The following PPP4C variants were observed in gnomAD, a reference collection of about 807,000 sequenced individuals.
PPP4C encodes serine/threonine-protein phosphatase 4 catalytic subunit.
PPP4C carries 10 observed loss-of-function variants against 40.5 expected under a neutral mutation model. That is an observed-to-expected ratio of 0.25 (90% CI 0.15 to 0.42). The LOEUF (loss-of-function observed/expected upper bound fraction) is 0.42. Among genes scored for constraint, PPP4C ranks in the 10% least tolerant of loss-of-function variants. The pLI, the probability that PPP4C is intolerant of heterozygous loss-of-function variation, is 1.00. For synonymous variants in PPP4C, 187 were observed against 163.6 expected (o/e 1.14, Z -1.09); for missense variants, 191 against 416.4 (o/e 0.46, Z 4.71).
intron 2 of PPP4C, among the ~76,000 whole-genome samples, chr16:30,077,162 G>C (rs1252986485): frequency 2.0e-5 from 3 of 152,168 alleles, no homozygotes; most frequent in Non-Finnish European, 4.4e-5. Context: ...AAGGCTCTAG[G>C]TTTTGCAGTG....
chr16:30,083,465 C>T lies in PPP4C; in HGVS notation c.375C>T (p.Gly125=), dbSNP rs368571539. The T allele has an allele frequency of 8.7e-6, 14 of 1,614,058 alleles. No individual in the cohort carries two copies. Among genetic ancestry groups the T allele is most frequent in the African/African-American group, 2.7e-5 (2 of 74,932 alleles). The change falls in exon 6 of 9, where the codon GGC becomes GGT. Residue 125 remains glycine (G), a synonymous_variant. Coordinates refer to ENST00000279387, the MANE Select transcript of PPP4C (RefSeq NM_002720.3). The surrounding 1 kb of genome is among the most constrained non-coding windows in gnomAD (Gnocchi z 6.3). ...GTCGCCAGATCACGCAGGTCTATGG[C>T]TTCTACGATGAGTGCCTGCGCAAGT... ...HESRQITQVY[G]FYDECLRKYG...
chr16:30,082,012 G>A (rs1301640576), intron 3 of PPP4C, among the ~76,000 whole-genome samples: 24 of 151,262 alleles, frequency 1.6e-4, no homozygotes, highest in African/African-American at 5.1e-4. Flanking sequence ...CCGAGATCGC[G>A]CCACCGCACT....
Position 30,083,844 on chromosome 16 carries a change from A to G in PPP4C, c.604+63A>G. On this transcript the variant is annotated intron_variant, in intron 7 of 8. Transcript: ENST00000279387. The surrounding 1 kb of genome is among the most constrained non-coding windows in gnomAD (Gnocchi z 6.3). ...GGAGGGGTTGGGAAAGAGAGGGAGC[A>G]GGGCTGGTCTTCACTGTCACTCGTC... The G allele has an allele frequency of 6.3e-7, 1 of 1,595,178 alleles. No homozygotes were observed. The highest frequency in any genetic ancestry group is 8.5e-7 in the Non-Finnish European group (1 of 1,170,780).
intron 2 of PPP4C, among the ~76,000 whole-genome samples, chr16:30,080,416 T>C (rs538947923): frequency 1.3e-5 from 2 of 150,330 alleles, no homozygotes; most frequent in Admixed American, 1.3e-4. Flanking sequence ...CTCACTCAAG[T>C]AGAAGTAGAC....
At chr16:30,076,220 C>T (rs922037138) in intron 1 of PPP4C, 95 bp from the exon 2 acceptor site, 154 of 512,550 alleles carry the variant, frequency 3.0e-4, no homozygotes, top group Non-Finnish European at 1.5e-5. Context: ...TGAGGGGAGG[C>T]GGGGGTGGGG....
rs961397220 is a variant in PPP4C, at chr16:30,076,345, G to T, written c.-33G>T. On this transcript the variant is annotated 5_prime_UTR_variant, in exon 2 of 9. Coordinates refer to ENST00000279387, the MANE Select transcript of PPP4C (RefSeq NM_002720.3). ...CCCTGTGCGGTGCGGAGGGGGCGGC[G>T]GCCCCGACTCTGACCCGCGCCGGGG... 1.9e-6 allele frequency: 3 copies of T among 1,604,548 alleles called. No homozygotes were observed. The highest frequency in any genetic ancestry group is 2.6e-6 in the Non-Finnish European group (3 of 1,174,408).
At chr16:30,082,892 G>T (rs1489134826) in intron 5 of PPP4C, 45 bp downstream of exon 5, 1 of 1,536,562 alleles carries the variant, frequency 6.5e-7, no homozygotes, top group East Asian at 2.2e-5. Flanking sequence ...GCGACCTCGG[G>T]CCGGGCCTGT....
rs78011926 is a variant in PPP4C, at chr16:30,077,013, A to G, written c.98+538A>G. On this transcript the variant is annotated intron_variant, in intron 2 of 8. Coordinates refer to ENST00000279387, the MANE Select transcript of PPP4C (RefSeq NM_002720.3). ...TTAGTGTCCTGTCCTTTTTCAGGCC[A>G]TAATGCAAAAAGGTGGAGTTGGATC... is the stretch of plus-strand genomic sequence containing the variant. 3.3e-3 allele frequency among the ~76,000 whole-genome samples: 502 copies of G among 152,284 alleles called. 4 individuals are homozygous for G. The highest frequency in any genetic ancestry group is 0.011 in the African/African-American group (443 of 41,564).
chr16:30,082,191 G>A (rs1596836802), intron 3 of PPP4C, among the ~76,000 whole-genome samples: 1 of 152,236 alleles, frequency 6.6e-6, no homozygotes, highest in East Asian at 1.9e-4. Flanking sequence ...AGGGCTCTGT[G>A]TTAGTAACTT....
At chr16:30,082,606 G>A in intron 4 of PPP4C, 72 bp downstream of exon 4, 1 of 1,573,020 alleles carries the variant, frequency 6.4e-7, no homozygotes, top group African/African-American at 1.3e-5. Context: ...GAGGGTGGGA[G>A]CCTTAATTTG....
At chr16:30,077,295 AGT>A (rs2072420575) in intron 2 of PPP4C, among the ~76,000 whole-genome samples, 1 of 152,150 alleles carries the variant, frequency 6.6e-6, no homozygotes, top group Non-Finnish European at 1.5e-5. Context: ...AGATTCAGTG[AGT>A]TGGTGCTGGA....
At chr16:30,076,255 G>C (rs2151023285) in intron 1 of PPP4C, 60 bp from the exon 2 acceptor site, 1 of 988,782 alleles carries the variant, frequency 1.0e-6, no homozygotes, top group South Asian at 1.5e-5. Flanking sequence ...CTAGAATCGA[G>C]TTGTCCGCTC....
chr16:30,080,224 A>C (rs534681816), intron 2 of PPP4C, among the ~76,000 whole-genome samples: 2 of 151,608 alleles, frequency 1.3e-5, no homozygotes, highest in African/African-American at 4.8e-5. Context: ...ACATGCTTCT[A>C]ATCCCAGCTA....
At chr16:30,081,151 C>A in intron 2 of PPP4C, 108 bp from the exon 3 acceptor site, 1 of 1,500,076 alleles carries the variant, frequency 6.7e-7, no homozygotes, top group Non-Finnish European at 9.2e-7. Flanking sequence ...CACTCCTGCC[C>A]CCTGGAGCTT....
At chr16:30,076,628 C>T (rs2072404929) in intron 2 of PPP4C, among the ~76,000 whole-genome samples, 153 bp downstream of exon 2, 1 of 152,202 alleles carries the variant, frequency 6.6e-6, no homozygotes, top group African/African-American at 2.4e-5. Flanking sequence ...GAAAAGCTAG[C>T]CTGCTCGGGG....
intron 7 of PPP4C, among the ~76,000 whole-genome samples, chr16:30,084,343 T>A (rs1359753667): frequency 6.6e-6 from 1 of 152,338 alleles, no homozygotes; most frequent in East Asian, 1.9e-4. Flanking sequence ...ACTCCGGACC[T>A]CCCTGTGACA....
chr16:30,076,275 G>A, intron 1 of PPP4C, 40 bp from the exon 2 acceptor site: 3 of 1,203,736 alleles, frequency 2.5e-6, no homozygotes, highest in Non-Finnish European at 3.6e-6. Context: ...CCGAGCCCCG[G>A]ACGGACACTG....
At chr16:30,078,605 G>A (rs1019049134) in intron 2 of PPP4C, among the ~76,000 whole-genome samples, 13 of 152,232 alleles carry the variant, frequency 8.5e-5, no homozygotes, top group African/African-American at 2.7e-4. Flanking sequence ...GACCCAGGCT[G>A]AGGCTGGTGG....
intron 2 of PPP4C, among the ~76,000 whole-genome samples, chr16:30,076,764 T>C (rs1384001817): frequency 6.6e-6 from 1 of 152,048 alleles, no homozygotes; most frequent in Non-Finnish European, 1.5e-5. Context: ...CGGAAGCTTG[T>C]TGGAGGGGGG....
Sources: allele counts gnomAD v4.1 joint callset (sites outside exome capture counted in the v4.1 genomes callset), GRCh38; gene constraint gnomAD v4.1.1; non-coding constraint Gnocchi (gnomAD v3.1); transcripts MANE v1.5; gene names NCBI Gene and HGNC (gene_info 2026-07-23, HGNC 2026-07-21).